Variants in ERBB4 observed in about 807,000 individuals in gnomAD.
The protein encoded by ERBB4 is receptor tyrosine-protein kinase erbB-4.
ERBB4 carries 42 observed loss-of-function variants against 158.0 expected under a neutral mutation model. That is an observed-to-expected ratio of 0.27 (90% CI 0.21 to 0.34). The LOEUF is 0.34. Among genes scored for constraint, ERBB4 ranks in the 10% least tolerant of loss-of-function variants. The probability of loss-of-function intolerance (pLI) is 1.00; values close to 1 mark genes in which losing one functional copy is unlikely to be tolerated. For synonymous variants in ERBB4, 583 were observed against 558.7 expected, an observed-to-expected ratio of 1.04 and a Z score of -0.61; for missense variants, 1,333 against 1,624.1, an observed-to-expected ratio of 0.82 and a Z score of 3.08.
At chr2:212,085,044 T>C (rs994445862) in intron 2 of ERBB4, among the ~76,000 whole-genome samples, 1 of 151,968 alleles carries the variant, frequency 6.6e-6, no homozygotes, top group Non-Finnish European at 1.5e-5. Flanking sequence ...AACTGACATA[T>C]AGTGAATACA....
At chr2:211,940,245 G>C (rs2080454987) in intron 3 of ERBB4, among the ~76,000 whole-genome samples, 1 of 152,002 alleles carries the variant, frequency 6.6e-6, no homozygotes, top group Admixed American at 6.6e-5. Flanking sequence ...TATATTTACT[G>C]TTTTCCTCAG....
At chr2:211,494,768 A>G (rs769710678) in intron 20 of ERBB4, among the ~76,000 whole-genome samples, 16 of 152,144 alleles carry the variant, frequency 1.1e-4, no homozygotes, top group Non-Finnish European at 1.3e-4. Flanking sequence ...TCAAAGCTGC[A>G]TGTTATTTAA....
chr2:212,359,413 A>G (rs1399397879), intron 1 of ERBB4, among the ~76,000 whole-genome samples: 1 of 151,728 alleles, frequency 6.6e-6, no homozygotes, highest in Non-Finnish European at 1.5e-5. Context: ...TGGAAGGTTT[A>G]GAAGAAAATC....
At chr2:211,472,492 T>C (rs1447919248) in intron 20 of ERBB4, among the ~76,000 whole-genome samples, 1 of 151,844 alleles carries the variant, frequency 6.6e-6, no homozygotes, top group East Asian at 1.9e-4. Flanking sequence ...TATATTAATA[T>C]TTCTCAGATG....
Position 211,722,645 on chromosome 2 carries a change from CA to C in ERBB4, c.742-112del. Reference sequence around the variant, plus strand: ...TTCTATAATAATTCCACAAATATTACAAAATTTGATAATTTAAGAGTCATGT... The same window carrying C: ...TTCTATAATAATTCCACAAATATTACAAATTTGATAATTTAAGAGTCATGT... On this transcript the variant is annotated intron_variant, in intron 6 of 27. Transcript: ENST00000342788. The C allele has an allele frequency of 2.6e-5, 30 of 1,141,938 alleles. 2 individuals carry two copies. In the South Asian group the frequency reaches 3.9e-4, roughly 15 times the overall value. 70.7% of individuals were successfully genotyped at this position (1,141,938 alleles called of 1,614,324 possible). A position where few individuals can be genotyped will look rare whatever the true frequency, so the allele number is the denominator to read the frequency against.
At position 211,804,922 on chromosome 2, in the gene ERBB4, C is replaced by CTTT. The variant is rs201486236; in HGVS notation, c.422-16766_422-16764dup. Among the ~76,000 whole-genome samples the CTTT allele has an allele frequency of 1.3e-3, 187 of 139,130 alleles. 2 individuals carry two copies. Among genetic ancestry groups the CTTT allele is most frequent in the African/African-American group, 4.4e-3 (166 of 37,424 alleles). The allele number at this position is 139,130 out of a possible 152,430, so 91.3% of individuals were successfully genotyped here. On this transcript the variant is annotated intron_variant, in intron 3 of 27. Coordinates refer to ENST00000342788, the MANE Select transcript of ERBB4 (RefSeq NM_005235.3). ...GAGGTTACAGCTCTTTCAAAATATT[C>CTTT]TTTTTTTTTTTTTTTGAGATGGTGT... is the stretch of plus-strand genomic sequence containing the variant.
intron 3 of ERBB4, among the ~76,000 whole-genome samples, chr2:211,793,813 C>G (rs1019684688): frequency 2.6e-5 from 4 of 151,886 alleles, no homozygotes; most frequent in Admixed American, 1.3e-4. Flanking sequence ...TATTAATAAG[C>G]TGAGACTCAA....
intron 20 of ERBB4, among the ~76,000 whole-genome samples, chr2:211,512,137 A>T (rs1282143932): frequency 6.6e-6 from 1 of 152,142 alleles, no homozygotes; most frequent in Non-Finnish European, 1.5e-5. Flanking sequence ...GCAACATTCA[A>T]TTTGGAACTT....
chr2:211,485,104 T>C lies in ERBB4; in HGVS notation c.2488-54004A>G, dbSNP rs77431470. 5.6e-3 allele frequency among the ~76,000 whole-genome samples: 860 copies of C among 152,240 alleles called. 19 individuals carry two copies. The highest frequency in any genetic ancestry group is 0.02 in the African/African-American group (817 of 41,564). On this transcript the variant is annotated intron_variant, in intron 20 of 27. Coordinates refer to ENST00000342788, the MANE Select transcript of ERBB4 (RefSeq NM_005235.3). ...ACTGTTACACAAAGAGAAAAAGATA[T>C]AAGGAGAGATAAGAGACTAATGTGA...
At chr2:211,614,094 A>G (rs2069296844) in intron 19 of ERBB4, among the ~76,000 whole-genome samples, 1 of 152,108 alleles carries the variant, frequency 6.6e-6, no homozygotes, top group African/African-American at 2.4e-5. Context: ...AGCCGTAAAA[A>G]AAGAATGCAA....
At chr2:212,395,135 C>A (rs948369012) in intron 1 of ERBB4, among the ~76,000 whole-genome samples, 8 of 152,066 alleles carry the variant, frequency 5.3e-5, no homozygotes, top group Non-Finnish European at 5.9e-5. Flanking sequence ...TATACATATT[C>A]TTGAGTTATC....
intron 3 of ERBB4, among the ~76,000 whole-genome samples, chr2:211,936,480 G>A (rs549179787): frequency 2.0e-5 from 3 of 151,776 alleles, no homozygotes; most frequent in African/African-American, 4.8e-5. Flanking sequence ...ATTATGATTC[G>A]ATAACCTAAA....
chr2:211,563,779 TATATA>T (rs56903015), intron 19 of ERBB4, among the ~76,000 whole-genome samples: 8,035 of 152,148 alleles, frequency 0.053, 677 homozygotes, highest in African/African-American at 0.18. Flanking sequence ...GGGAGAGAGA[TATATA>T]ATATATGTAT....
chr2:211,580,897 A>G (rs1186285247), intron 19 of ERBB4, among the ~76,000 whole-genome samples: 3 of 8,478 alleles, frequency 3.5e-4, no homozygotes, highest in Admixed American at 2.8e-3. Context: ...ATATATATAT[A>G]TATATATATA....
chr2:212,353,200 T>A (rs981365193), intron 1 of ERBB4, among the ~76,000 whole-genome samples: 1 of 151,830 alleles, frequency 6.6e-6, no homozygotes, highest in South Asian at 2.1e-4. Flanking sequence ...CTTTAATGAT[T>A]TGGGGCCCAC....
intron 2 of ERBB4, among the ~76,000 whole-genome samples, chr2:212,119,992 A>T (rs1467061100): frequency 6.6e-6 from 1 of 152,206 alleles, no homozygotes; most frequent in Non-Finnish European, 1.5e-5. Context: ...CTAAAAGGAA[A>T]CAATCTTTTT....
intron 20 of ERBB4, among the ~76,000 whole-genome samples, chr2:211,491,221 G>A (rs1469735977): frequency 6.6e-6 from 1 of 151,934 alleles, no homozygotes; most frequent in Non-Finnish European, 1.5e-5. Context: ...AAGTGGTTTA[G>A]CACAAACCAA....
intron 2 of ERBB4, among the ~76,000 whole-genome samples, chr2:212,073,058 G>C (rs1443904927): frequency 2.6e-5 from 4 of 151,852 alleles, no homozygotes; most frequent in Non-Finnish European, 5.9e-5. Context: ...GTAGGAAAAT[G>C]GGAAATTTTC....
intron 1 of ERBB4, among the ~76,000 whole-genome samples, chr2:212,202,874 G>T (rs2082628301): frequency 6.6e-6 from 1 of 151,916 alleles, no homozygotes; most frequent in African/African-American, 2.4e-5. Context: ...TTAGTTTTAT[G>T]TATATTAGTT....
Sources: allele counts gnomAD v4.1 joint callset (sites outside exome capture counted in the v4.1 genomes callset), GRCh38; gene constraint gnomAD v4.1.1; transcripts MANE v1.5; gene names NCBI Gene and HGNC (gene_info 2026-07-23, HGNC 2026-07-21).